The following SAFB2 variants were observed in gnomAD, a reference collection of about 807,000 sequenced individuals.
SAFB2 encodes scaffold attachment factor B2.
SAFB2 carries 32 observed loss-of-function variants against 100.6 expected under a neutral mutation model. The ratio of observed to expected loss-of-function variants is 0.32; its 90% CI spans 0.24 to 0.43. SAFB2 has a LOEUF of 0.43. SAFB2 is among the 20% of genes least tolerant of loss of function. SAFB2 has a pLI of 1.00. For synonymous variants in SAFB2, 500 were observed against 439.4 expected, an observed-to-expected ratio of 1.14 and a Z score of -1.72; for missense variants, 1,185 against 1,163.4, an observed-to-expected ratio of 1.02 and a Z score of -0.27.
In SAFB2 at chr19:5,593,904, A is replaced by G. The variant is rs1225396177; in HGVS notation, c.2194T>C (p.Tyr732His). Residue 732 changes from tyrosine to histidine, a missense_variant, in exon 15 of 21, where the codon TAC (tyrosine) becomes CAC (histidine). Transcript: ENST00000252542. ...GGCGGGACTCACCGGTCCAGGTCGT[A>G]GGGCCTCCGCCCGGGCCGCCGCTCC... is the stretch of plus-strand genomic sequence containing the variant. ...EQERRPGRRP[Y>H]DLDRRDDAYW... The G allele has an allele frequency of 2.0e-6, 3 of 1,513,162 alleles. No individual in the cohort carries two copies. Among genetic ancestry groups the G allele is most frequent in the Non-Finnish European group, 2.6e-6 (3 of 1,142,576 alleles). The allele number at this position is 1,513,162 out of a possible 1,614,324, so 93.7% of individuals were successfully genotyped here.
At chr19:5,620,854 A>G (rs1012184249) in intron 2 of SAFB2, among the ~76,000 whole-genome samples, 1 of 152,222 alleles carries the variant, frequency 6.6e-6, no homozygotes, top group Non-Finnish European at 1.5e-5. Context: ...AAAAACCGTA[A>G]TAGTAAAAAA....
chr19:5,603,644 AGGTGCCACCGTGAACTCACAG>A lies in SAFB2; in HGVS notation c.1559+918_1559+938del, dbSNP rs1218691072. Reference sequence around the variant, plus strand: ...CGCCAAGGTACGCCAAGGTACCCCAAGGTGCCACCGTGAACTCACAGGGTGCCACCGTGAACTCACAGGGTG... The same window carrying A: ...CGCCAAGGTACGCCAAGGTACCCCAAGGTGCCACCGTGAACTCACAGGGTG... On this transcript the variant is annotated intron_variant, in intron 11 of 20. Coordinates refer to ENST00000252542, the MANE Select transcript of SAFB2 (RefSeq NM_014649.3). Among the ~76,000 whole-genome samples the A allele has an allele frequency of 2.0e-3, 299 of 152,158 alleles. 2 individuals are homozygous for A. Among genetic ancestry groups the A allele is most frequent in the Middle Eastern group, 0.01 (3 of 294 alleles).
chr19:5,619,336 G>A (rs1432417594), intron 2 of SAFB2, among the ~76,000 whole-genome samples: 1 of 152,154 alleles, frequency 6.6e-6, no homozygotes, highest in Non-Finnish European at 1.5e-5. Flanking sequence ...AATGGGAAGG[G>A]ATCAGAAGCC....
At chr19:5,601,453 G>A (rs13343974) in intron 11 of SAFB2, among the ~76,000 whole-genome samples, 2,124 of 152,278 alleles carry the variant, frequency 0.014, 46 homozygotes, top group African/African-American at 0.049. Flanking sequence ...GCTCATGCCT[G>A]TAATCCCAGC....
At chr19:5,622,500 G>T (rs1466856810) in intron 1 of SAFB2, 30 bp downstream of exon 1, 1 of 1,543,254 alleles carries the variant, frequency 6.5e-7, no homozygotes, top group Non-Finnish European at 8.7e-7. Context: ...CGGGCCTCCT[G>T]CGCCACCCCC....
chr19:5,591,596 TCG>T, intron 17 of SAFB2, 150 bp downstream of exon 17: 1 of 653,822 alleles, frequency 1.5e-6, no homozygotes, highest in South Asian at 1.8e-5. Flanking sequence ...GTACTTCTAG[TCG>T]CTGGCCAGAA....
At chr19:5,598,707 A>G (rs766353675) in intron 13 of SAFB2, 86 bp downstream of exon 13, 1 of 1,242,378 alleles carries the variant, frequency 8.0e-7, no homozygotes, top group Non-Finnish European at 1.2e-6. Flanking sequence ...AAGGCAAAAC[A>G]GTGCTGTTTT....
Position 5,587,576 on chromosome 19 carries a change from CAA to C in SAFB2, c.2705+123_2705+124del. The C allele has an allele frequency of 6.9e-7, 1 of 1,451,482 alleles. No homozygotes were observed. The highest frequency in any genetic ancestry group is 1.4e-5 in the African/African-American group (1 of 69,970). 89.9% of individuals were successfully genotyped at this position (1,451,482 alleles called of 1,614,324 possible). ...TCAAGAGCGTTATTTGCATAAATTG[CAA>C]AGAGCTGCTTTTTGCTTTGTTTTCA... is the stretch of plus-strand genomic sequence containing the variant. On this transcript the variant is annotated intron_variant, in intron 20 of 20. Transcript: ENST00000252542. The surrounding 1 kb of genome is among the most constrained non-coding windows in gnomAD (Gnocchi z 4.9).
At position 5,613,424 on chromosome 19, in the gene SAFB2, G is replaced by A. The variant is rs755591304; in HGVS notation, c.606+41C>T. ...TTTCATTATGGAAAATCAACCACTCGATTAACATTTCCAGCGATGCAGAAC... is the reference window on the plus strand; with the variant it reads ...TTTCATTATGGAAAATCAACCACTCAATTAACATTTCCAGCGATGCAGAAC... On this transcript the variant is annotated intron_variant, in intron 5 of 20. Transcript: ENST00000252542. 1.6e-5 allele frequency: 25 copies of A among 1,541,516 alleles called. No homozygotes were observed. In the Admixed American group the frequency reaches 2.4e-4, roughly 15 times the overall value.
At chr19:5,622,440 G>A in intron 1 of SAFB2, 90 bp downstream of exon 1, 1 of 1,333,594 alleles carries the variant, frequency 7.5e-7, no homozygotes, top group East Asian at 2.8e-5. Context: ...GCGAACCCAG[G>A]GCGCCCCGGG....
In SAFB2 at chr19:5,622,536, G is replaced by T; in HGVS notation, c.180C>A (p.Leu60=). ...GAGCCCCGCGCCGCCTCACCTTCTT[G>T]AGCCGCTCCATCAGGACGCTCTTGT... ...GGNKSVLMER[L]KKAVKEEGQD... The change falls in exon 1 of 21, where the codon CTC becomes CTA. Residue 60 remains leucine (L), a synonymous_variant. Transcript: ENST00000252542. The T allele has an allele frequency of 6.2e-7, 1 of 1,610,880 alleles. No individual in the cohort carries two copies. The highest frequency in any genetic ancestry group is 8.5e-7 in the Non-Finnish European group (1 of 1,178,846).
intron 11 of SAFB2, among the ~76,000 whole-genome samples, chr19:5,601,385 C>T (rs181929287): frequency 6.6e-6 from 1 of 152,220 alleles, no homozygotes; most frequent in Non-Finnish European, 1.5e-5. Context: ...TCATACACTG[C>T]TTACTTTTGT....
intron 13 of SAFB2, 111 bp from the exon 14 acceptor site, chr19:5,595,608 G>C: frequency 7.4e-7 from 1 of 1,348,732 alleles, no homozygotes; most frequent in Non-Finnish European, 1.0e-6. Flanking sequence ...ACATGGTGTA[G>C]ATGGAAGGCT....
Position 5,587,208 on chromosome 19 carries a change from C to T in SAFB2, c.*35G>A, listed in dbSNP as rs771486818. On this transcript the variant is annotated 3_prime_UTR_variant, in exon 21 of 21. Coordinates refer to ENST00000252542, the MANE Select transcript of SAFB2 (RefSeq NM_014649.3). This position sits in a 1 kb window ranked among gnomAD's most constrained non-coding sequence, Gnocchi z 4.9. ...ACCCTGGCTACCAGATTCAACAGTG[C>T]GTCTGCCCACCCGAAAACTCGCAGC... 32 of 1,604,640 alleles carry T rather than the reference C, an allele frequency of 2.0e-5. No individual in the cohort carries two copies. In the African/African-American group the frequency reaches 3.1e-4, roughly 15 times the overall value.
intron 17 of SAFB2, among the ~76,000 whole-genome samples, chr19:5,590,729 G>A (rs1013127554): frequency 6.6e-6 from 1 of 152,184 alleles, no homozygotes; most frequent in Non-Finnish European, 1.5e-5. Context: ...GAGAAGTTGG[G>A]CGCCGCCTCC....
intron 16 of SAFB2, among the ~76,000 whole-genome samples, chr19:5,591,994 G>A (rs1454546025): frequency 1.3e-5 from 2 of 152,206 alleles, no homozygotes; most frequent in African/African-American, 2.4e-5. Flanking sequence ...TAAAGAGGTA[G>A]GAATAAAGAT....
intron 17 of SAFB2, 94 bp downstream of exon 17, chr19:5,591,654 C>T: frequency 3.9e-6 from 5 of 1,287,732 alleles, no homozygotes; most frequent in Non-Finnish European, 5.6e-6. Flanking sequence ...GTTGCCACCT[C>T]TCTGGGATCA....
In SAFB2 at chr19:5,593,851, C is replaced by G. The variant is rs1426517080; in HGVS notation, c.2207+40G>C. The G allele has an allele frequency of 7.1e-6, 10 of 1,418,120 alleles. No homozygotes were observed. The East Asian group carries it at 1.4e-4, about 20-fold the overall frequency. 87.8% of individuals were successfully genotyped at this position (1,418,120 alleles called of 1,614,324 possible). On this transcript the variant is annotated intron_variant, in intron 15 of 20. Coordinates refer to ENST00000252542, the MANE Select transcript of SAFB2 (RefSeq NM_014649.3). Reference sequence around the variant, plus strand: ...GCTGGAAGGGTGAACACCGCTGCCACGCTGGTCTCCGTCCTGCCCACGCTC... The same window carrying G: ...GCTGGAAGGGTGAACACCGCTGCCAGGCTGGTCTCCGTCCTGCCCACGCTC...
chr19:5,607,289 A>C (rs976729712), intron 9 of SAFB2, among the ~76,000 whole-genome samples: 2 of 151,172 alleles, frequency 1.3e-5, no homozygotes, highest in Admixed American at 1.3e-4. Flanking sequence ...AAACAAAAAC[A>C]AAAAAAAACA....
Sources: gnomAD v4.1 joint callset for allele counts (sites outside exome capture counted in the v4.1 genomes callset) on GRCh38, gnomAD v4.1.1 for gene constraint, Gnocchi (gnomAD v3.1) non-coding constraint, MANE v1.5 for transcripts, NCBI Gene and HGNC (gene_info 2026-07-23, HGNC 2026-07-21) for gene names.